Variants in GBE1 observed in about 807,000 individuals in gnomAD.
GBE1 encodes the protein 1,4-alpha-glucan branching enzyme 1, also known as 1,4-alpha-glucan-branching enzyme.
Under a neutral mutation model 88.8 loss-of-function variants are expected in GBE1, and 70 were observed. The ratio of observed to expected loss-of-function variants is 0.79; its 90% CI spans 0.65 to 0.96. The LOEUF is 0.96. GBE1 is among the 40% of genes least tolerant of loss of function. The pLI, the probability that GBE1 is intolerant of heterozygous loss-of-function variation, is 0.00. For missense variants in GBE1, 872 were observed against 871.0 expected, an observed-to-expected ratio of 1.00 and a Z score of -0.01; for synonymous variants, 284 against 300.1, an observed-to-expected ratio of 0.95 and a Z score of 0.56.
chr3:81,509,125 TACTTG>T (rs1012320587), intron 14 of GBE1, among the ~76,000 whole-genome samples: 11 of 152,106 alleles, frequency 7.2e-5, no homozygotes, highest in African/African-American at 2.4e-4. Context: ...TTACTTTTTA[TACTTG>T]ACTTGGCCTC....
At chr3:81,659,787 T>C (rs569424776) in intron 3 of GBE1, among the ~76,000 whole-genome samples, 39 of 152,206 alleles carry the variant, frequency 2.6e-4, no homozygotes, top group Non-Finnish European at 4.4e-4. Context: ...CTAAAAATTA[T>C]AGGATCTTTT....
At chr3:81,738,006 G>A (rs1270074323) in intron 1 of GBE1, among the ~76,000 whole-genome samples, 1 of 151,684 alleles carries the variant, frequency 6.6e-6, no homozygotes, top group South Asian at 2.1e-4. Flanking sequence ...TGCAGTGTTT[G>A]GTTTCTTGTT....
intron 11 of GBE1, among the ~76,000 whole-genome samples, chr3:81,580,408 T>C (rs1246649325): frequency 1.3e-5 from 2 of 152,232 alleles, no homozygotes; most frequent in Admixed American, 6.5e-5. Flanking sequence ...GAAGGCTTTA[T>C]ATAGAATGTG....
At chr3:81,646,949 A>G (rs1023753574) in intron 5 of GBE1, among the ~76,000 whole-genome samples, 1 of 150,116 alleles carries the variant, frequency 6.7e-6, no homozygotes, top group African/African-American at 2.5e-5. Context: ...TATTTTCCAT[A>G]AGGTAGCTTT....
intron 7 of GBE1, chr3:81,612,402 T>C (rs1704195640): frequency 2.4e-6 from 2 of 844,904 alleles, no homozygotes; most frequent in Admixed American, 1.8e-5. Flanking sequence ...TCTTTGGGAA[T>C]AATTTTATTT....
rs981241500 is a variant in GBE1 at position 81,547,201 on chromosome 3, G to T, written c.1619-10106C>A. Among the ~76,000 whole-genome samples, 2 of 151,390 alleles carry T rather than the reference G, an allele frequency of 1.3e-5. 1 individual carries two copies. Among genetic ancestry groups the T allele is most frequent in the Non-Finnish European group, 3.0e-5 (2 of 67,610 alleles). ...AGTCTCTCCTAAGACAGATTTAAAG[G>T]CTCCTCTCAGAAAAAGGCAAGGACG... On this transcript the variant is annotated intron_variant, in intron 12 of 15. Transcript: ENST00000429644.
intron 6 of GBE1, among the ~76,000 whole-genome samples, chr3:81,644,291 G>A (rs62265453): frequency 0.15 from 22,209 of 152,138 alleles, 1,736 homozygotes; most frequent in Non-Finnish European, 0.19. Context: ...CCACTGGTGG[G>A]GAGGGAAGGT....
intron 2 of GBE1, among the ~76,000 whole-genome samples, chr3:81,676,614 A>C (rs1419324074): frequency 4.0e-5 from 6 of 151,664 alleles, no homozygotes; most frequent in Admixed American, 2.0e-4. Flanking sequence ...ACAATAATTA[A>C]TTTTTTTTGG....
At chr3:81,682,726 G>C (rs1301673818) in intron 2 of GBE1, among the ~76,000 whole-genome samples, 2 of 152,074 alleles carry the variant, frequency 1.3e-5, no homozygotes, top group Non-Finnish European at 2.9e-5. Flanking sequence ...GTTACCATTA[G>C]ACACAGCAAT....
intron 12 of GBE1, among the ~76,000 whole-genome samples, chr3:81,554,157 A>G (rs1703316001): frequency 6.6e-6 from 1 of 152,132 alleles, no homozygotes; most frequent in African/African-American, 2.4e-5. Context: ...CTATTGGGAG[A>G]AAATTAGCCA....
chr3:81,757,984 C>G (rs1011524859), intron 1 of GBE1, among the ~76,000 whole-genome samples: 3 of 152,006 alleles, frequency 2.0e-5, no homozygotes, highest in African/African-American at 7.3e-5. Flanking sequence ...GAAAGAAAAG[C>G]AAGATTATGG....
chr3:81,522,250 G>A (rs1017125529), intron 14 of GBE1, among the ~76,000 whole-genome samples: 13 of 151,552 alleles, frequency 8.6e-5, no homozygotes, highest in African/African-American at 2.9e-4. Flanking sequence ...TCAGAGTACA[G>A]AACTAATGCG....
chr3:81,759,259 A>T (rs866275107), intron 1 of GBE1, among the ~76,000 whole-genome samples: 1 of 152,326 alleles, frequency 6.6e-6, no homozygotes, highest in South Asian at 2.1e-4. Context: ...AAAAATTTCA[A>T]ATCAAAAGAT....
Position 81,490,162 on chromosome 3 carries a change from G to A in GBE1, c.*245C>T. 4.1e-6 allele frequency: 2 copies of A among 486,964 alleles called. No homozygotes were observed. Among genetic ancestry groups the A allele is most frequent in the Non-Finnish European group, 7.2e-6 (2 of 278,062 alleles). 30.2% of individuals were successfully genotyped at this position (486,964 alleles called of 1,614,324 possible). On this transcript the variant is annotated 3_prime_UTR_variant, in exon 16 of 16. Coordinates refer to ENST00000429644, the MANE Select transcript of GBE1 (RefSeq NM_000158.4). The stretch of plus-strand genomic sequence containing the variant: ...CATATTATATATAACACTTCCATTT[G>A]AGAATCCTAGCTGCTAAGATGACTT...
chr3:81,693,090 T>C (rs751164573), intron 2 of GBE1, among the ~76,000 whole-genome samples: 26 of 152,204 alleles, frequency 1.7e-4, no homozygotes, highest in Non-Finnish European at 3.4e-4. Flanking sequence ...AATGCAGCTA[T>C]TCTAAGAGAT....
At chr3:81,570,623 A>C (rs970134210) in intron 12 of GBE1, among the ~76,000 whole-genome samples, 7 of 152,364 alleles carry the variant, frequency 4.6e-5, no homozygotes, top group South Asian at 2.1e-4. Flanking sequence ...ATTGTAACTT[A>C]GTACTCAAGA....
At chr3:81,544,276 G>A (rs757946886) in intron 12 of GBE1, among the ~76,000 whole-genome samples, 4 of 152,078 alleles carry the variant, frequency 2.6e-5, no homozygotes, top group Non-Finnish European at 4.4e-5. Context: ...TAACTGTAGC[G>A]CACAGAGGCA....
intron 7 of GBE1, among the ~76,000 whole-genome samples, chr3:81,629,374 C>G (rs573923759): frequency 6.6e-6 from 1 of 151,774 alleles, no homozygotes; most frequent in South Asian, 2.1e-4. Flanking sequence ...TTTTTTATGG[C>G]TGCATAGTAT....
At chr3:81,535,118 T>C (rs1328085682) in intron 14 of GBE1, 77 bp downstream of exon 14, 3 of 29,242 alleles carry the variant, frequency 1.0e-4, no homozygotes, top group African/African-American at 1.1e-3. Context: ...AACCTTAGTC[T>C]TTTTTTTTTT....
Sources: allele counts gnomAD v4.1 joint callset (sites outside exome capture counted in the v4.1 genomes callset), GRCh38; gene constraint gnomAD v4.1.1; transcripts MANE v1.5; gene names NCBI Gene and HGNC (gene_info 2026-07-23, HGNC 2026-07-21).